The following TRPM3 variants were observed in gnomAD, a reference collection of about 807,000 sequenced individuals.
TRPM3 encodes the protein long transient receptor potential channel 3.
A neutral mutation model predicts 181.2 loss-of-function variants in TRPM3; 77 were observed. That is an observed-to-expected ratio of 0.42 (90% confidence interval 0.35 to 0.51). TRPM3 has a LOEUF of 0.51. TRPM3 is among the 20% of genes least tolerant of loss of function. The pLI is 0.01. For missense variants in TRPM3, 1,759 were observed against 2,196.7 expected, an observed-to-expected ratio of 0.80 and a Z score of 3.98; for synonymous variants, 745 against 796.4, an observed-to-expected ratio of 0.94 and a Z score of 1.09.
chr9:70,666,506 T>A lies in TRPM3; in HGVS notation c.1345+15000A>T, dbSNP rs2061867534. Reference sequence around the variant, plus strand: ...ATCTTTATTTTACCATCACAAGTGATCAGTAGATTAGATATAGGCCTAGAT... The same window carrying A: ...ATCTTTATTTTACCATCACAAGTGAACAGTAGATTAGATATAGGCCTAGAT... On this transcript the variant is annotated intron_variant, in intron 9 of 25. Transcript: ENST00000677713. Among the ~76,000 whole-genome samples the A allele has an allele frequency of 2.0e-5, 3 of 152,194 alleles. 1 individual carries two copies. In the South Asian group the frequency reaches 6.2e-4, roughly 31 times the overall value.
chr9:70,958,237 T>C (rs1028250981), intron 1 of TRPM3, among the ~76,000 whole-genome samples: 6 of 152,142 alleles, frequency 3.9e-5, no homozygotes, highest in Admixed American at 6.6e-5. Flanking sequence ...GCTAGCAAAG[T>C]TTGTATGGTT....
chr9:71,081,975 A>T (rs1361985320), intron 1 of TRPM3, among the ~76,000 whole-genome samples: 1 of 152,192 alleles, frequency 6.6e-6, no homozygotes, highest in Admixed American at 6.6e-5. Flanking sequence ...TTTTTTTACT[A>T]GCAGAACTGT....
At chr9:70,795,017 C>T (rs997775019) in intron 6 of TRPM3, among the ~76,000 whole-genome samples, 1 of 152,156 alleles carries the variant, frequency 6.6e-6, no homozygotes, top group Non-Finnish European at 1.5e-5. Context: ...AACAATAAAG[C>T]GTAACGACTA....
intron 1 of TRPM3, among the ~76,000 whole-genome samples, chr9:71,083,370 C>T (rs1185657976): frequency 6.6e-6 from 1 of 151,882 alleles, no homozygotes; most frequent in Non-Finnish European, 1.5e-5. Flanking sequence ...GCAACTTGCC[C>T]AAGGTTACAA....
At chr9:71,272,844 T>C (rs2083908420) in intron 1 of TRPM3, among the ~76,000 whole-genome samples, 1 of 151,986 alleles carries the variant, frequency 6.6e-6, no homozygotes, top group Non-Finnish European at 1.5e-5. Flanking sequence ...TGTGCATGAA[T>C]TTATAGTATG....
intron 1 of TRPM3, among the ~76,000 whole-genome samples, chr9:71,127,406 G>A (rs1437566595): frequency 6.6e-6 from 1 of 152,038 alleles, no homozygotes; most frequent in Non-Finnish European, 1.5e-5. Context: ...GAAAGCTCAT[G>A]CTTGTTTCAA....
chr9:71,208,029 T>C (rs2079232710), intron 1 of TRPM3, among the ~76,000 whole-genome samples: 1 of 152,174 alleles, frequency 6.6e-6, no homozygotes, highest in Non-Finnish European at 1.5e-5. Context: ...GAGAAGGAGC[T>C]GACAGAGTAG....
chr9:71,080,638 A>G (rs1476790802), intron 1 of TRPM3, among the ~76,000 whole-genome samples: 1 of 151,814 alleles, frequency 6.6e-6, no homozygotes, highest in East Asian at 1.9e-4. Flanking sequence ...GTCATCCCCA[A>G]CTCCAACTCT....
chr9:70,669,735 T>A lies in TRPM3; in HGVS notation c.1345+11771A>T, dbSNP rs547269547. 1.2e-4 allele frequency among the ~76,000 whole-genome samples: 17 copies of A among 143,088 alleles called. 1 individual carries two copies. The South Asian group carries it at 3.6e-3, about 30-fold the overall frequency. 93.9% of individuals were successfully genotyped at this position (143,088 alleles called of 152,430 possible). ...CTTTTTCTTTTCTTTTCTTTCTTTC[T>A]TTCTTTCTTTTCTTTTTTTTTTTTT... On this transcript the variant is annotated intron_variant, in intron 9 of 25. Coordinates refer to ENST00000677713, the MANE Select transcript of TRPM3 (RefSeq NM_001366145.2).
chr9:71,151,628 C>A (rs948214113), intron 1 of TRPM3, among the ~76,000 whole-genome samples: 36 of 151,956 alleles, frequency 2.4e-4, no homozygotes, highest in Admixed American at 2.3e-3. Context: ...AGTACTCACC[C>A]ATTAGTTCGA....
chr9:70,641,416 T>C (rs2058045116), intron 9 of TRPM3, among the ~76,000 whole-genome samples: 1 of 152,200 alleles, frequency 6.6e-6, no homozygotes, highest in South Asian at 2.1e-4. Flanking sequence ...TCTCATCAAC[T>C]AGCGTACCAA....
At chr9:71,430,760 G>A (rs754433096) in intron 1 of TRPM3, among the ~76,000 whole-genome samples, 21 of 152,146 alleles carry the variant, frequency 1.4e-4, no homozygotes, top group Admixed American at 2.6e-4. Flanking sequence ...GCAGTGAGCC[G>A]AGATCATGCC....
intron 1 of TRPM3, among the ~76,000 whole-genome samples, chr9:71,399,516 ATTTTC>A (rs1213215633): frequency 1.8e-5 from 2 of 114,246 alleles, no homozygotes; most frequent in Admixed American, 9.5e-5. Flanking sequence ...TACTCCTTAT[ATTTTC>A]TTTTGTTTTT....
rs532625549 is a variant in TRPM3, at chr9:70,758,693, T to C, written c.1272+2908A>G. Reference sequence around the variant, plus strand: ...ATAATGCCACAAATCTACAACGATCTGATCTTTGACAAACCTGACAAAAAC... The same window carrying C: ...ATAATGCCACAAATCTACAACGATCCGATCTTTGACAAACCTGACAAAAAC... On this transcript the variant is annotated intron_variant, in intron 8 of 25. Coordinates refer to ENST00000677713, the MANE Select transcript of TRPM3 (RefSeq NM_001366145.2). Among the ~76,000 whole-genome samples, 3 of 152,318 alleles carry C rather than the reference T, an allele frequency of 2.0e-5. No individual in the cohort carries two copies. In the East Asian group the frequency reaches 5.8e-4, roughly 29 times the overall value.
At position 70,843,046 on chromosome 9, in the gene TRPM3, G is replaced by A; in HGVS notation, c.758C>T (p.Pro253Leu). ...CTCCTGGTTTTCCACAATTCCCCAG[G>A]GGGCAATACCTATGGTGCATATCTT... The part of the protein sequence containing the change: ...RGKICTIGIA[P>L]WGIVENQEDL... The change falls in exon 5 of 26, where the codon CCC (proline) becomes CTC (leucine). Residue 253 changes from proline to leucine, a missense_variant. By Grantham distance (98) the Pro-to-Leu change is moderately conservative. Around this residue, in one of 8 missense-constraint regions of TRPM3, gnomAD observed 737 missense variants for 957.4 expected, o/e 0.77. Coordinates refer to ENST00000677713, the MANE Select transcript of TRPM3 (RefSeq NM_001366145.2). 3.7e-6 allele frequency: 6 copies of A among 1,613,538 alleles called. No homozygotes were observed. Among genetic ancestry groups the A allele is most frequent in the Non-Finnish European group, 4.2e-6 (5 of 1,179,808 alleles).
At chr9:70,589,930 G>A (rs984017395) in intron 22 of TRPM3, among the ~76,000 whole-genome samples, 6 of 152,224 alleles carry the variant, frequency 3.9e-5, no homozygotes, top group East Asian at 3.9e-4. Flanking sequence ...CAGTCCTACC[G>A]GGGATGGGCA....
rs371434767 is a variant in TRPM3, at chr9:70,682,900, A to C, written c.1273-1322T>G. Among the ~76,000 whole-genome samples the C allele has an allele frequency of 1.4e-3, 208 of 152,328 alleles. 3 individuals are homozygous for C. In the South Asian group the frequency reaches 0.02, roughly 15 times the overall value. ...AGGAAGTAAACAATCAGATTTGCTA[A>C]TCTATAAGTCTAGGTTTTATCACTA... On this transcript the variant is annotated intron_variant, in intron 8 of 25. Transcript: ENST00000677713.
At chr9:70,698,133 G>A (rs573169406) in intron 8 of TRPM3, among the ~76,000 whole-genome samples, 29 of 151,934 alleles carry the variant, frequency 1.9e-4, no homozygotes, top group East Asian at 9.7e-4. Context: ...ACTTGAACCC[G>A]GGAGACGGAG....
At chr9:70,851,118 T>TA (rs1190182659) in intron 3 of TRPM3, among the ~76,000 whole-genome samples, 1 of 152,068 alleles carries the variant, frequency 6.6e-6, no homozygotes, top group Non-Finnish European at 1.5e-5. Flanking sequence ...ACTGCGCCAC[T>TA]ACACTCCAGC....
Sources: gnomAD v4.1 joint callset for allele counts (sites outside exome capture counted in the v4.1 genomes callset) on GRCh38, gnomAD v4.1.1 for gene constraint, gnomAD v4.1.1 regional missense constraint, MANE v1.5 for transcripts, NCBI Gene and HGNC (gene_info 2026-07-23, HGNC 2026-07-21) for gene names.